The following CPOX variants were observed in gnomAD, a reference collection of about 807,000 sequenced individuals.
The protein encoded by CPOX is oxygen-dependent coproporphyrinogen-III oxidase, mitochondrial.
CPOX carries 24 observed loss-of-function variants against 48.9 expected under a neutral mutation model. The observed-to-expected ratio is 0.49, with a 90% CI of 0.36 to 0.69. The LOEUF (loss-of-function observed/expected upper bound fraction) is 0.69. CPOX is among the 30% of genes least tolerant of loss of function. The pLI is 0.00. For missense variants in CPOX, 549 were observed against 597.3 expected (o/e 0.92, Z 0.84); for synonymous variants, 249 against 234.6 (o/e 1.06, Z -0.56).
chr3:98,591,656 A>G (rs1451124175), intron 1 of CPOX, among the ~76,000 whole-genome samples: 1 of 152,232 alleles, frequency 6.6e-6, no homozygotes, highest in African/African-American at 2.4e-5. Context: ...CCTTAGAGTG[A>G]GTGAGACGCA....
intron 4 of CPOX, among the ~76,000 whole-genome samples, chr3:98,588,369 G>A (rs189494850): frequency 6.6e-6 from 1 of 152,116 alleles, no homozygotes; most frequent in Admixed American, 6.5e-5. Context: ...ACATTCCCAA[G>A]TCAACATCAG....
In CPOX at chr3:98,584,728, C is replaced by G. The variant is rs531893471; in HGVS notation, c.1172+713G>C. 2.2e-4 allele frequency among the ~76,000 whole-genome samples: 33 copies of G among 152,256 alleles called. No homozygotes were observed. In the South Asian group the frequency reaches 6.6e-3, roughly 31 times the overall value. ...ACTTGGAGTGGATTTACAAGTACAC[C>G]GTGGCTGGAGACAGCCTCAGACTGG... On this transcript the variant is annotated intron_variant, in intron 5 of 6. Transcript: ENST00000647941.
intron 4 of CPOX, among the ~76,000 whole-genome samples, chr3:98,586,029 T>G (rs919160319): frequency 2.6e-5 from 4 of 152,018 alleles, no homozygotes; most frequent in Admixed American, 2.6e-4. Context: ...CCCACCACCA[T>G]ACCTGGCTAA....
Position 98,593,138 on chromosome 3 carries a change from G to C in CPOX, c.367C>G (p.Leu123Val). The C allele has an allele frequency of 6.2e-7, 1 of 1,613,192 alleles. No homozygotes were observed. Among genetic ancestry groups the C allele is most frequent in the Admixed American group, 1.7e-5 (1 of 59,974 alleles). Residue 123 changes from leucine (L) to valine (V), a missense_variant, in exon 1 of 7, where the codon CTG (leucine) becomes GTG (valine). By Grantham distance (32) the Leu-to-Val change is conservative (BLOSUM62 1). Around this residue, in one of 2 missense-constraint regions of CPOX, gnomAD observed 336 missense variants for 318.1 expected, o/e 1.06. Transcript: ENST00000647941. Reference sequence around the variant, plus strand: ...ATGAAGCTGCTGCAGCGGTGGGCCAGCTCATCCTCCTCCTCCTCCGGCCTC... The same window carrying C: ...ATGAAGCTGCTGCAGCGGTGGGCCACCTCATCCTCCTCCTCCTCCGGCCTC... The part of the protein sequence containing the change: ...LGRPEEEEDE[L>V]AHRCSSFMAP...
intron 1 of CPOX, among the ~76,000 whole-genome samples, chr3:98,592,411 G>C (rs2107134246): frequency 6.6e-6 from 1 of 152,234 alleles, no homozygotes; most frequent in East Asian, 1.9e-4. Context: ...TCTGATGCGT[G>C]CATTTGGTAG....
intron 5 of CPOX, among the ~76,000 whole-genome samples, chr3:98,582,131 GT>G (rs1465846296): frequency 1.3e-5 from 2 of 151,910 alleles, no homozygotes; most frequent in Non-Finnish European, 2.9e-5. Context: ...GAGTTGCAGT[GT>G]TTTCATTTTT....
chr3:98,590,022 C>A (rs1559678431), intron 3 of CPOX, among the ~76,000 whole-genome samples: 1 of 152,324 alleles, frequency 6.6e-6, no homozygotes, highest in South Asian at 2.1e-4. Context: ...ATAAGGTATT[C>A]CTTCAGATGT....
chr3:98,579,078 C>A (rs1707202976), downstream of CPOX, among the ~76,000 whole-genome samples: 1 of 152,210 alleles, frequency 6.6e-6, no homozygotes, highest in East Asian at 1.9e-4. Flanking sequence ...ACTAAGCCTA[C>A]CCAACATGAA....
At chr3:98,581,584 T>A in intron 5 of CPOX, 73 bp from the exon 6 acceptor site, 1 of 1,225,352 alleles carries the variant, frequency 8.2e-7, no homozygotes, top group Non-Finnish European at 1.2e-6. Flanking sequence ...AACAAATACT[T>A]AAAAAGGGGT....
chr3:98,592,171 T>C (rs779050423), intron 1 of CPOX, among the ~76,000 whole-genome samples: 30 of 152,136 alleles, frequency 2.0e-4, no homozygotes, highest in Non-Finnish European at 3.2e-4. Flanking sequence ...AAAACTAGAC[T>C]GAACTTCATT....
At chr3:98,574,262 T>C in the CPOX span, among the ~76,000 whole-genome samples, 1 of 152,152 alleles carries the variant, frequency 6.6e-6, no homozygotes, top group Non-Finnish European at 1.5e-5. Context: ...CAGCAACCAT[T>C]TTATCACATT....
At chr3:98,591,846 AGGACCAGAGG>A (rs1707483825) in intron 1 of CPOX, among the ~76,000 whole-genome samples, 1 of 152,170 alleles carries the variant, frequency 6.6e-6, no homozygotes, top group Non-Finnish European at 1.5e-5. Context: ...GAGAAAACTG[AGGACCAGAGG>A]GGCAAAACAT....
At chr3:98,585,405 C>A in intron 5 of CPOX, 36 bp downstream of exon 5, 1 of 1,562,182 alleles carries the variant, frequency 6.4e-7, no homozygotes, top group Non-Finnish European at 8.8e-7. Context: ...ACCTCCCCCA[C>A]TTAGCCATGA....
chr3:98,583,641 GAT>G (rs921398120), intron 5 of CPOX, among the ~76,000 whole-genome samples: 1 of 152,164 alleles, frequency 6.6e-6, no homozygotes, highest in Non-Finnish European at 1.5e-5. Flanking sequence ...TCTGGGGGAG[GAT>G]AGCAGTAACT....
chr3:98,593,290 G>A lies in CPOX; in HGVS notation c.215C>T (p.Pro72Leu). 1 of 1,453,126 alleles carries A rather than the reference G, an allele frequency of 6.9e-7. No homozygotes were observed. The highest frequency in any genetic ancestry group is 1.4e-5 in the African/African-American group (1 of 69,726). The allele number at this position is 1,453,126 out of a possible 1,614,324, so 90.0% of individuals were successfully genotyped here. ...CGCGGCCAGCCCTGTCCCCACCCAGGGGCCGCCTCTCGACGTCGAGCCGTG... is the reference window on the plus strand; with the variant it reads ...CGCGGCCAGCCCTGTCCCCACCCAGAGGCCGCCTCTCGACGTCGAGCCGTG... The part of the protein sequence containing the change: ...LGHGSTSRGG[P>L]WVGTGLAAAL... Residue 72 changes from proline to leucine, a missense_variant, in exon 1 of 7, where the codon CCC (proline) becomes CTC (leucine). This residue lies in a region of CPOX where 336 missense variants were observed against 318.1 expected (regional missense o/e 1.06). Transcript: ENST00000647941.
chr3:98,582,494 TTTTC>T (rs1301479892), intron 5 of CPOX, among the ~76,000 whole-genome samples: 1 of 151,554 alleles, frequency 6.6e-6, no homozygotes. Context: ...TTTTTTTTTC[TTTTC>T]TTTTTTTTTT....
Position 98,593,332 on chromosome 3 carries a change from T to C in CPOX, c.173A>G (p.Gln58Arg), listed in dbSNP as rs1707522608. ...CRPPGPAGTE[Q>R]SRGLGHGSTS... ...CGAGCCGTGCCCCAGCCCGCGGCTC[T>C]GCTCCGTGCCAGCCGGGCCAGGGGG... is the stretch of plus-strand genomic sequence containing the variant. Residue 58 changes from glutamine (Q) to arginine (R), a missense_variant, in exon 1 of 7, where the codon CAG becomes CGG. Around this residue, in one of 2 missense-constraint regions of CPOX, gnomAD observed 336 missense variants for 318.1 expected, o/e 1.06. Coordinates refer to ENST00000647941, the MANE Select transcript of CPOX (RefSeq NM_000097.7). The C allele has an allele frequency of 1.2e-5, 16 of 1,373,474 alleles. No homozygotes were observed. The highest frequency in any genetic ancestry group is 1.4e-5 in the Non-Finnish European group (15 of 1,076,360). 85.1% of individuals were successfully genotyped at this position (1,373,474 alleles called of 1,614,324 possible). A position where few individuals can be genotyped will look rare whatever the true frequency, so the allele number is the denominator to read the frequency against.
At position 98,579,647 on chromosome 3, in the gene CPOX, G is replaced by T; in HGVS notation, c.*1036C>A. The stretch of plus-strand genomic sequence containing the variant: ...AATACATTCATAATATATGAACAAA[G>T]AAATCATACATTAAGAATCCTGTTG... On this transcript the variant is annotated 3_prime_UTR_variant, in exon 7 of 7. Coordinates refer to ENST00000647941, the MANE Select transcript of CPOX (RefSeq NM_000097.7). 1 of 983,770 alleles carries T rather than the reference G, an allele frequency of 1.0e-6. No homozygotes were observed. The highest frequency in any genetic ancestry group is 4.7e-5 in the South Asian group (1 of 21,254). The allele number at this position is 983,770 out of a possible 1,614,324, so 60.9% of individuals were successfully genotyped here.
intron 5 of CPOX, among the ~76,000 whole-genome samples, chr3:98,584,842 C>T (rs1707330641): frequency 6.6e-6 from 1 of 152,192 alleles, no homozygotes; most frequent in African/African-American, 2.4e-5. Context: ...GCTTCAGCTG[C>T]TTAACTTTAG....
Sources: allele counts gnomAD v4.1 joint callset (sites outside exome capture counted in the v4.1 genomes callset), GRCh38; gene constraint gnomAD v4.1.1; regional missense constraint gnomAD v4.1.1; transcripts MANE v1.5; gene names NCBI Gene and HGNC (gene_info 2026-07-23, HGNC 2026-07-21).